Variants in ATP8B3 observed in about 807,000 individuals in gnomAD.
ATP8B3 encodes the protein ATPase phospholipid transporting 8B3.
A neutral mutation model predicts 140.9 loss-of-function variants in ATP8B3; 141 were observed. The observed-to-expected ratio is 1.00, with a 90% CI of 0.87 to 1.15. The LOEUF (loss-of-function observed/expected upper bound fraction) is 1.15. Among genes scored for constraint, ATP8B3 ranks in the 50% most tolerant of loss-of-function variants. The pLI is 0.00. For missense variants in ATP8B3, 1,874 were observed against 1,740.6 expected, an observed-to-expected ratio of 1.08 and a Z score of -1.36; for synonymous variants, 765 against 714.6, an observed-to-expected ratio of 1.07 and a Z score of -1.13.
chr19:1,791,669 A>G (rs1052456212), intron 20 of ATP8B3, 81 bp downstream of exon 20: 28 of 1,081,786 alleles, frequency 2.6e-5, no homozygotes, highest in Non-Finnish European at 2.1e-5. Flanking sequence ...CTGGGATGAC[A>G]GGTGTGAGCC....
At chr19:1,793,988 C>T (rs1232663249) in intron 18 of ATP8B3, among the ~76,000 whole-genome samples, 2 of 151,650 alleles carry the variant, frequency 1.3e-5, no homozygotes, top group African/African-American at 4.8e-5. Context: ...ATGATCTGCC[C>T]GCCTCCCAAA....
At chr19:1,789,250 C>A (rs1188318726) in intron 23 of ATP8B3, 111 bp downstream of exon 23, 1 of 1,150,496 alleles carries the variant, frequency 8.7e-7, no homozygotes, top group Non-Finnish European at 1.2e-6. Context: ...CCCACCGCCG[C>A]CTCCATCAGC....
At chr19:1,783,418 G>C in intron 28 of ATP8B3, 148 bp from the exon 29 acceptor site, 2 of 1,053,484 alleles carry the variant, frequency 1.9e-6, no homozygotes, top group Non-Finnish European at 2.7e-6. Flanking sequence ...GCCAATTAGA[G>C]TCCTCGACTC....
intron 18 of ATP8B3, 37 bp downstream of exon 18, chr19:1,795,838 C>CG: frequency 7.8e-7 from 1 of 1,289,824 alleles, no homozygotes; most frequent in Non-Finnish European, 1.1e-6. Context: ...CACACACACA[C>CG]ACACACACAT....
chr19:1,805,772 T>G lies in ATP8B3; in HGVS notation c.821+116A>C. On this transcript the variant is annotated intron_variant, in intron 9 of 28. Coordinates refer to ENST00000310127, the MANE Select transcript of ATP8B3 (RefSeq NM_138813.4). This position sits in a 1 kb window ranked among gnomAD's most constrained non-coding sequence, Gnocchi z 5.2. The stretch of plus-strand genomic sequence containing the variant: ...ACGCCCCAGACACTCATGGGGTGAG[T>G]GACCAAAGTCTCTGAGCGACCTTGG... 7.8e-7 allele frequency: 1 copy of G among 1,286,994 alleles called. No homozygotes were observed. The highest frequency in any genetic ancestry group is 2.4e-4 in the Middle Eastern group (1 of 4,082). The allele number at this position is 1,286,994 out of a possible 1,614,324, so 79.7% of individuals were successfully genotyped here. A position where few individuals can be genotyped will look rare whatever the true frequency, so the allele number is the denominator to read the frequency against.
chr19:1,800,145 T>A lies in ATP8B3; in HGVS notation c.1354A>T (p.Ile452Phe). 1.3e-6 allele frequency: 2 copies of A among 1,558,092 alleles called. No individual in the cohort carries two copies. The highest frequency in any genetic ancestry group is 1.7e-6 in the Non-Finnish European group (2 of 1,150,634). The change falls in exon 14 of 29, where the codon ATC becomes TTC. Residue 452 changes from isoleucine (I) to phenylalanine (F), a missense_variant. By Grantham distance (21) the Ile-to-Phe change is conservative (BLOSUM62 0). Transcript: ENST00000310127. This position sits in a 1 kb window ranked among gnomAD's most constrained non-coding sequence, Gnocchi z 4.4. ...ATGAAGACGCTGTTCCCCAGGTAGA[T>A]GAACTCGGACCTGCAGAGGCACTCA... ...PMSMFILSEFIYLGNSVFIDW... is the reference protein window; with the variant it reads ...PMSMFILSEFFYLGNSVFIDW...
rs1456610752 is a variant in ATP8B3, at chr19:1,794,600, T to G, written c.2055+1275A>C. Among the ~76,000 whole-genome samples, 2 of 150,904 alleles carry G rather than the reference T, an allele frequency of 1.3e-5. No individual in the cohort carries two copies. Among genetic ancestry groups the G allele is most frequent in the African/African-American group, 2.4e-5 (1 of 40,908 alleles). ...ATGACAGCCCCATGTTGGCAGGGGG[T>G]GGGGCAGGAAAGGCCCCATGTGTGG... On this transcript the variant is annotated intron_variant, in intron 18 of 28. Transcript: ENST00000310127. The surrounding 1 kb of genome is among the most constrained non-coding windows in gnomAD (Gnocchi z 4.8).
Position 1,806,256 on chromosome 19 carries a change from G to T in ATP8B3, c.678-87C>A, listed in dbSNP as rs543539332. Reference sequence around the variant, plus strand: ...GACCAGAGGCACGGGATGACGGGGGGCCCGCAGCTGCAGTCCCCACCTCCG... The same window carrying T: ...GACCAGAGGCACGGGATGACGGGGGTCCCGCAGCTGCAGTCCCCACCTCCG... On this transcript the variant is annotated intron_variant, in intron 7 of 28. Transcript: ENST00000310127. The surrounding 1 kb of genome is among the most constrained non-coding windows in gnomAD (Gnocchi z 5.6). The T allele has an allele frequency of 5.9e-6, 9 of 1,528,552 alleles. No homozygotes were observed. The Admixed American group carries it at 9.9e-5, about 17-fold the overall frequency. 94.7% of individuals were successfully genotyped at this position (1,528,552 alleles called of 1,614,324 possible).
chr19:1,783,547 G>A (rs1234048002), intron 28 of ATP8B3, among the ~76,000 whole-genome samples: 5 of 152,130 alleles, frequency 3.3e-5, no homozygotes, highest in East Asian at 3.9e-4. Context: ...GACTTAACTC[G>A]GGACCACCCA....
chr19:1,807,053 G>A lies in ATP8B3; in HGVS notation c.615+115C>T, dbSNP rs376658407. ...CAGCAGCTGAGGCTCCCAGGCCCACGTTCCCCTAATGCTCCAGGAAGCCCA... is the reference window on the plus strand; with the variant it reads ...CAGCAGCTGAGGCTCCCAGGCCCACATTCCCCTAATGCTCCAGGAAGCCCA... On this transcript the variant is annotated intron_variant, in intron 6 of 28. Transcript: ENST00000310127. This position sits in a 1 kb window ranked among gnomAD's most constrained non-coding sequence, Gnocchi z 5.9. The A allele has an allele frequency of 5.3e-6, 5 of 941,712 alleles. No individual in the cohort carries two copies. The highest frequency in any genetic ancestry group is 2.4e-5 in the East Asian group (1 of 40,996). 58.3% of individuals were successfully genotyped at this position (941,712 alleles called of 1,614,324 possible). A position where few individuals can be genotyped will look rare whatever the true frequency, so the allele number is the denominator to read the frequency against.
intron 18 of ATP8B3, among the ~76,000 whole-genome samples, chr19:1,795,314 G>C (rs1329409345): frequency 6.6e-6 from 1 of 152,004 alleles, no homozygotes; most frequent in Non-Finnish European, 1.5e-5. Context: ...CACTTTGGGA[G>C]GCCAAGGGGG....
At chr19:1,787,247 C>T in intron 24 of ATP8B3, 61 bp from the exon 25 acceptor site, 1 of 1,390,650 alleles carries the variant, frequency 7.2e-7, no homozygotes, top group Non-Finnish European at 1.0e-6. Flanking sequence ...AGGAGCCTGC[C>T]AAGCAGGCAC....
In ATP8B3 at chr19:1,787,156, A is replaced by G; in HGVS notation, c.3100T>C (p.Phe1034Leu). The G allele has an allele frequency of 1.2e-6, 2 of 1,611,326 alleles. No individual in the cohort carries two copies. The highest frequency in any genetic ancestry group is 1.7e-6 in the Non-Finnish European group (2 of 1,178,696). ...PLYEGWFLAL[F>L]NLLYSTLPVL... ...GGCAGGGTGCTGTACAGGAGGTTGA[A>G]AAGAGCCAGGAACCATCCTTCATAC... The change falls in exon 25 of 29, where the codon TTC (phenylalanine) becomes CTC (leucine). Residue 1034 changes from phenylalanine (F) to leucine (L), a missense_variant. Phe to Leu is a conservative substitution (Grantham distance 22). Around this residue, in one of 3 missense-constraint regions of ATP8B3, gnomAD observed 840 missense variants for 760.9 expected, o/e 1.10. Transcript: ENST00000310127.
intron 24 of ATP8B3, 24 bp downstream of exon 24, chr19:1,788,873 G>A: frequency 6.4e-7 from 1 of 1,558,252 alleles, no homozygotes; most frequent in South Asian, 1.2e-5. Context: ...CCTGGTCATG[G>A]GGCAGCCAGG....
Position 1,785,555 on chromosome 19 carries a change from C to G in ATP8B3, c.3307G>C (p.Asp1103His), listed in dbSNP as rs200462397. The change falls in exon 26 of 29, where the codon GAC becomes CAC. Residue 1103 changes from aspartate to histidine, a missense_variant. Around this residue, in one of 3 missense-constraint regions of ATP8B3, gnomAD observed 840 missense variants for 760.9 expected, o/e 1.10. Transcript: ENST00000310127. Reference protein sequence around the residue: ...NFFMTLWISRDTAGPASFSDH... With the variant: ...NFFMTLWISRHTAGPASFSDH... ...CTGAAGCTGGCGGGTCCCGCCGTGTCGCGGCTGATCCACAGTGTCATGAAG... is the reference window on the plus strand; with the variant it reads ...CTGAAGCTGGCGGGTCCCGCCGTGTGGCGGCTGATCCACAGTGTCATGAAG... 3 of 1,613,004 alleles carry G rather than the reference C, an allele frequency of 1.9e-6. No homozygotes were observed. The highest frequency in any genetic ancestry group is 2.5e-6 in the Non-Finnish European group (3 of 1,179,894).
rs754198598 is a variant in ATP8B3, at chr19:1,796,195, G to A, written c.1824C>T (p.Tyr608=). The A allele has an allele frequency of 4.3e-6, 7 of 1,612,726 alleles. No homozygotes were observed. In the African/African-American group the frequency reaches 5.3e-5, roughly 12 times the overall value. The change falls in exon 17 of 29, where the codon TAC becomes TAT. Residue 608 remains tyrosine, a synonymous_variant. Transcript: ENST00000310127. The stretch of plus-strand genomic sequence containing the variant: ...TGTCCTGGGTGCGGGACAGGAACAC[G>A]TAGCCGAAGTTCCGGGCTGCGGTGA... ...ALVTAARNFG[Y]VFLSRTQDTV... is the part of the protein sequence containing the mutation.
chr19:1,803,810 C>T (rs1000387416), intron 10 of ATP8B3, among the ~76,000 whole-genome samples: 13 of 150,004 alleles, frequency 8.7e-5, no homozygotes, highest in Non-Finnish European at 1.9e-4. Flanking sequence ...GCAGGAGAAT[C>T]GCTTGAACCC....
In ATP8B3 at chr19:1,787,147, G is replaced by A. The variant is rs773344355; in HGVS notation, c.3109C>T (p.Leu1037=). The A allele has an allele frequency of 5.0e-6, 8 of 1,611,286 alleles. No homozygotes were observed. Among genetic ancestry groups the A allele is most frequent in the East Asian group, 2.2e-5 (1 of 44,816 alleles). ...TAGAGAACTGGCAGGGTGCTGTACA[G>A]GAGGTTGAAAAGAGCCAGGAACCAT... The part of the protein sequence containing the change: ...EGWFLALFNL[L]YSTLPVLYIG... The change falls in exon 25 of 29, where the codon CTG becomes TTG. Residue 1037 remains leucine, a synonymous_variant. Transcript: ENST00000310127.
At chr19:1,785,000 C>A in intron 27 of ATP8B3, 54 bp from the exon 28 acceptor site, 1 of 1,567,860 alleles carries the variant, frequency 6.4e-7, no homozygotes, top group South Asian at 1.2e-5. Context: ...AAGGATGCCC[C>A]CAGGCTAGGG....
Sources: allele counts gnomAD v4.1 joint callset (sites outside exome capture counted in the v4.1 genomes callset), GRCh38; gene constraint gnomAD v4.1.1; regional missense constraint gnomAD v4.1.1; non-coding constraint Gnocchi (gnomAD v3.1); transcripts MANE v1.5; gene names NCBI Gene and HGNC (gene_info 2026-07-23, HGNC 2026-07-21).